ADGRV1: variants seen among roughly 807,000 people sequenced by gnomAD.
ADGRV1 encodes the protein adhesion G protein-coupled receptor V1, also known as G-protein coupled receptor 98.
ADGRV1 carries 359 observed loss-of-function variants against 596.2 expected under a neutral mutation model. That is an observed-to-expected ratio of 0.60 (90% confidence interval 0.55 to 0.66). The LOEUF is 0.66. ADGRV1 is among the 30% of genes least tolerant of loss of function. ADGRV1 has a pLI of 0.00. For missense variants in ADGRV1, 7,274 were observed against 7,575.6 expected (o/e 0.96, Z 1.48); for synonymous variants, 2,681 against 2,679.2 (o/e 1.00, Z -0.02).
intron 69 of ADGRV1, among the ~76,000 whole-genome samples, chr5:90,790,189 G>A (rs1478916763): frequency 6.6e-6 from 1 of 152,072 alleles, no homozygotes; most frequent in Admixed American, 6.6e-5. Context: ...ATTCTCCAGG[G>A]CCTTATTTCT....
At chr5:90,784,201 A>G in intron 67 of ADGRV1, 144 bp downstream of exon 67, 1 of 591,374 alleles carries the variant, frequency 1.7e-6, no homozygotes, top group Non-Finnish European at 2.9e-6. Context: ...GCAGCTTTTG[A>G]GCCAGATTAA....
chr5:90,578,699 C>T lies in ADGRV1; in HGVS notation c.22+19782C>T, dbSNP rs372993103. 1.1e-4 allele frequency among the ~76,000 whole-genome samples: 16 copies of T among 152,314 alleles called. No individual in the cohort carries two copies. The South Asian group carries it at 2.9e-3, about 28-fold the overall frequency. Reference sequence around the variant, plus strand: ...TCCAGAAGGAATGGTACCAGTTCCTCTTTGTACTTCTGGTAGAATTCGGCT... The same window carrying T: ...TCCAGAAGGAATGGTACCAGTTCCTTTTTGTACTTCTGGTAGAATTCGGCT... On this transcript the variant is annotated intron_variant, in intron 1 of 89. Coordinates refer to ENST00000405460, the MANE Select transcript of ADGRV1 (RefSeq NM_032119.4).
chr5:90,565,308 C>T (rs547549315), intron 1 of ADGRV1, among the ~76,000 whole-genome samples: 11 of 152,324 alleles, frequency 7.2e-5, no homozygotes, highest in Middle Eastern at 3.4e-3. Context: ...AAGAAGCTCT[C>T]TACCCATTAG....
chr5:90,778,971 C>T lies in ADGRV1; in HGVS notation c.12956C>T (p.Ala4319Val). Residue 4319 changes from alanine to valine, a missense_variant, in exon 64 of 90, where the codon GCA becomes GTA. Ala to Val is a moderately conservative substitution (Grantham distance 64). This residue lies in a region of ADGRV1 where 3,643 missense variants were observed against 3,809.2 expected (regional missense o/e 0.96). Transcript: ENST00000405460. Reference sequence around the variant, plus strand: ...GCAGGCTTGGATTTTGTTCCTGCAGCAGGGGAGCTCCTCTTTGAAGCAGGG... The same window carrying T: ...GCAGGCTTGGATTTTGTTCCTGCAGTAGGGGAGCTCCTCTTTGAAGCAGGG... The part of the protein sequence containing the change: ...AEAGLDFVPA[A>V]GELLFEAGEM... The T allele has an allele frequency of 6.2e-7, 1 of 1,613,462 alleles. No homozygotes were observed.
intron 1 of ADGRV1, among the ~76,000 whole-genome samples, chr5:90,588,574 A>T (rs547197260): frequency 7.2e-5 from 11 of 152,356 alleles, no homozygotes; most frequent in African/African-American, 2.6e-4. Flanking sequence ...CGTAGAGGTC[A>T]GAAAGAAGGC....
chr5:90,879,481 T>C (rs550585965), intron 83 of ADGRV1, among the ~76,000 whole-genome samples: 1 of 152,284 alleles, frequency 6.6e-6, no homozygotes, highest in Admixed American at 6.5e-5. Context: ...CTTTTAAAAT[T>C]TGTGATATAA....
chr5:90,789,684 G>T lies in ADGRV1; in HGVS notation c.13894-18G>T. On this transcript the variant is annotated intron_variant, in intron 68 of 89. Coordinates refer to ENST00000405460, the MANE Select transcript of ADGRV1 (RefSeq NM_032119.4). ...TATTGTTTTATAAATTATTTTCTCT[G>T]TTGTTTATATTTTTTAGATACAAGA... 6.9e-7 allele frequency: 1 copy of T among 1,457,120 alleles called. No homozygotes were observed. Among genetic ancestry groups the T allele is most frequent in the South Asian group, 1.3e-5 (1 of 77,598 alleles). 90.3% of individuals were successfully genotyped at this position (1,457,120 alleles called of 1,614,324 possible).
At chr5:90,628,449 G>A (rs1370889524) in intron 7 of ADGRV1, 113 bp from the exon 8 acceptor site, 20 of 840,030 alleles carry the variant, frequency 2.4e-5, no homozygotes, top group Non-Finnish European at 3.2e-5. Context: ...TTTTTTTGTT[G>A]TATAGATTCT....
chr5:90,782,850 G>T (rs1759001243), intron 65 of ADGRV1, among the ~76,000 whole-genome samples: 1 of 141,582 alleles, frequency 7.1e-6, no homozygotes, highest in African/African-American at 3.2e-5. Flanking sequence ...TTTTTATGTA[G>T]TACACAGGGA....
At chr5:90,575,834 G>T (rs766784369) in intron 1 of ADGRV1, among the ~76,000 whole-genome samples, 1 of 152,144 alleles carries the variant, frequency 6.6e-6, no homozygotes. Flanking sequence ...CCTAGGCACA[G>T]AACACCATTC....
chr5:90,928,393 T>C (rs538625995), intron 83 of ADGRV1, among the ~76,000 whole-genome samples: 25,598 of 151,300 alleles, frequency 0.17, 2,597 homozygotes, highest in Non-Finnish European at 0.23. Flanking sequence ...CATCTTCCAT[T>C]GCTGATACCC....
chr5:90,799,807 G>A (rs527460753), intron 70 of ADGRV1, among the ~76,000 whole-genome samples: 114 of 152,220 alleles, frequency 7.5e-4, no homozygotes, highest in African/African-American at 2.6e-3. Flanking sequence ...TGACAAACCT[G>A]ACAAAAACAA....
In ADGRV1 at chr5:91,146,999, A is replaced by C. The variant is rs1466929953; in HGVS notation, c.18433-3031A>C. On this transcript the variant is annotated intron_variant, in intron 87 of 89. Coordinates refer to ENST00000405460, the MANE Select transcript of ADGRV1 (RefSeq NM_032119.4). ...CAACATGGCAAAACCCCATCTGTAC[A>C]AAAAATAAAAATAAAAAACTAGCCA... Among the ~76,000 whole-genome samples the C allele has an allele frequency of 3.3e-5, 5 of 152,070 alleles. No homozygotes were observed. The South Asian group carries it at 6.2e-4, about 19-fold the overall frequency.
At chr5:90,623,612 T>G (rs1764369630) in intron 5 of ADGRV1, among the ~76,000 whole-genome samples, 1 of 151,996 alleles carries the variant, frequency 6.6e-6, no homozygotes, top group Admixed American at 6.6e-5. Context: ...GAAGTCGCAT[T>G]ATGTTGCCCA....
chr5:91,163,198 G>A (rs145551178), intron 89 of ADGRV1, among the ~76,000 whole-genome samples: 52 of 152,248 alleles, frequency 3.4e-4, no homozygotes, highest in Non-Finnish European at 6.3e-4. Flanking sequence ...CTACTGTGGT[G>A]GAATTCCTGT....
chr5:91,055,441 T>C (rs1488730537), intron 85 of ADGRV1, among the ~76,000 whole-genome samples: 2 of 152,174 alleles, frequency 1.3e-5, no homozygotes, highest in African/African-American at 4.8e-5. Flanking sequence ...TATCACATGC[T>C]AGGTATATGC....
Position 91,072,546 on chromosome 5 carries a change from G to A in ADGRV1, c.18252G>A (p.Gln6084=). Residue 6084 remains glutamine (Q), a synonymous_variant, in exon 86 of 90, where the codon CAG becomes CAA. Transcript: ENST00000405460. Reference sequence around the variant, plus strand: ...TCGTGGTGTTCATCCATGCCTACCAGGTGAAGCCACAGTGGAAAGCATATG... The same window carrying A: ...TCGTGGTGTTCATCCATGCCTACCAAGTGAAGCCACAGTGGAAAGCATATG... ...VVFVVFIHAY[Q]VKPQWKAYDD... is the part of the protein sequence containing the mutation. 5 of 1,613,852 alleles carry A rather than the reference G, an allele frequency of 3.1e-6. No individual in the cohort carries two copies. Among genetic ancestry groups the A allele is most frequent in the Non-Finnish European group, 4.2e-6 (5 of 1,179,768 alleles).
At chr5:90,995,677 T>C (rs890620429) in intron 85 of ADGRV1, among the ~76,000 whole-genome samples, 5 of 152,194 alleles carry the variant, frequency 3.3e-5, no homozygotes, top group Admixed American at 1.3e-4. Flanking sequence ...TCAGAAGACA[T>C]GAAGATGAGG....
At chr5:91,113,346 A>G (rs1432410537) in intron 87 of ADGRV1, among the ~76,000 whole-genome samples, 21 of 152,188 alleles carry the variant, frequency 1.4e-4, no homozygotes, top group Non-Finnish European at 7.3e-5. Context: ...GCCAAGCAAA[A>G]GCTGTTGCAG....
Sources: allele counts gnomAD v4.1 joint callset (sites outside exome capture counted in the v4.1 genomes callset), GRCh38; gene constraint gnomAD v4.1.1; regional missense constraint gnomAD v4.1.1; transcripts MANE v1.5; gene names NCBI Gene and HGNC (gene_info 2026-07-23, HGNC 2026-07-21).